RIMS2: variants seen among roughly 807,000 people sequenced by gnomAD.
RIMS2 encodes regulating synaptic membrane exocytosis protein 2.
Under a neutral mutation model 174.4 loss-of-function variants are expected in RIMS2, and 59 were observed. The observed-to-expected ratio is 0.34, with a 90% CI of 0.27 to 0.42. The LOEUF is 0.42. Among genes scored for constraint, RIMS2 ranks in the 10% least tolerant of loss-of-function variants. The probability of loss-of-function intolerance (pLI) is 1.00; values close to 1 mark genes in which losing one functional copy is unlikely to be tolerated. For synonymous variants in RIMS2, 606 were observed against 572.5 expected (o/e 1.06, Z -0.84); for missense variants, 1,620 against 1,666.3 (o/e 0.97, Z 0.48).
intron 19 of RIMS2, among the ~76,000 whole-genome samples, chr8:104,067,877 C>T (rs550907072): frequency 4.6e-5 from 7 of 152,166 alleles, no homozygotes; most frequent in Admixed American, 4.6e-4. Context: ...TTTCTTAACT[C>T]TATATTCTAA....
At chr8:103,521,790 G>T (rs1251760309) in intron 1 of RIMS2, among the ~76,000 whole-genome samples, 1 of 151,474 alleles carries the variant, frequency 6.6e-6, no homozygotes, top group Non-Finnish European at 1.5e-5. Context: ...GGATAAAGAT[G>T]ATGAGGTTCC....
At chr8:104,077,287 CT>C (rs1259253526) in intron 19 of RIMS2, among the ~76,000 whole-genome samples, 1 of 151,980 alleles carries the variant, frequency 6.6e-6, no homozygotes, top group Non-Finnish European at 1.5e-5. Context: ...GGAAGAAACA[CT>C]GTTTCCAACA....
At chr8:104,234,906 C>T (rs2099250670) in intron 19 of RIMS2, among the ~76,000 whole-genome samples, 1 of 152,132 alleles carries the variant, frequency 6.6e-6, no homozygotes, top group South Asian at 2.1e-4. Context: ...GTATTCAGTC[C>T]TATTGACAGC....
rs183380516 is a variant in RIMS2, at chr8:104,020,242, A to G, written c.3334+5627A>G. 7.2e-5 allele frequency among the ~76,000 whole-genome samples: 11 copies of G among 151,930 alleles called. No individual in the cohort carries two copies. The East Asian group carries it at 1.7e-3, about 24-fold the overall frequency. ...GTGCTTGGTTTTTATTTTGGTTATT[A>G]ATGATCTTAATCATTAATCACTATT... On this transcript the variant is annotated intron_variant, in intron 19 of 23. Coordinates refer to ENST00000504942, the Ensembl canonical transcript of RIMS2.
chr8:103,587,045 G>A (rs7835560), intron 1 of RIMS2, among the ~76,000 whole-genome samples: 7,313 of 151,884 alleles, frequency 0.048, 585 homozygotes, highest in African/African-American at 0.17. Flanking sequence ...CTGAATGAAT[G>A]AAAAAACAAG....
intron 3 of RIMS2, among the ~76,000 whole-genome samples, chr8:103,822,625 C>T (rs2098759110): frequency 6.6e-6 from 1 of 151,772 alleles, no homozygotes. Context: ...TTCTTGAGTA[C>T]CATTTTAGTG....
intron 1 of RIMS2, among the ~76,000 whole-genome samples, chr8:103,671,893 T>A (rs1032314462): frequency 6.6e-6 from 1 of 152,210 alleles, no homozygotes; most frequent in African/African-American, 2.4e-5. Flanking sequence ...TCCCATATGC[T>A]TTAACATACC....
rs567663165 is a variant in RIMS2 at position 104,245,462 on chromosome 8, T to C, written c.3476+405T>C. The stretch of plus-strand genomic sequence containing the variant: ...CTAAAAAATATGGAATGCTGGCGTA[T>C]ACTTAGTTCCATGTTGCAACAAACA... On this transcript the variant is annotated intron_variant, in intron 20 of 23. Coordinates refer to ENST00000504942, the Ensembl canonical transcript of RIMS2. 2.0e-5 allele frequency among the ~76,000 whole-genome samples: 3 copies of C among 152,352 alleles called. No homozygotes were observed. In the East Asian group the frequency reaches 5.8e-4, roughly 29 times the overall value.
intron 1 of RIMS2, among the ~76,000 whole-genome samples, chr8:103,677,813 C>CA (rs559052389): frequency 3.3e-5 from 5 of 149,874 alleles, no homozygotes; most frequent in Admixed American, 1.3e-4. Context: ...GATTCGTGGA[C>CA]AAAAAAAAAG....
At chr8:104,028,486 T>C (rs1346513354) in intron 19 of RIMS2, among the ~76,000 whole-genome samples, 1 of 152,194 alleles carries the variant, frequency 6.6e-6, no homozygotes, top group Non-Finnish European at 1.5e-5. Flanking sequence ...TTTAATTACA[T>C]GCCATTTTAA....
intron 3 of RIMS2, among the ~76,000 whole-genome samples, chr8:103,778,459 T>A (rs1472860947): frequency 6.6e-6 from 1 of 152,128 alleles, no homozygotes; most frequent in Admixed American, 6.6e-5. Context: ...TTTCTAGAGA[T>A]CTTCATGAGA....
intron 2 of RIMS2, among the ~76,000 whole-genome samples, chr8:103,735,952 C>T (rs1340973148): frequency 6.6e-6 from 1 of 152,094 alleles, no homozygotes; most frequent in Non-Finnish European, 1.5e-5. Context: ...GCTCTTCAGC[C>T]TATGTAGTAC....
chr8:104,104,588 G>A (rs1222995320), intron 19 of RIMS2, among the ~76,000 whole-genome samples: 5 of 152,128 alleles, frequency 3.3e-5, no homozygotes, highest in African/African-American at 7.2e-5. Flanking sequence ...AATAGGGTTC[G>A]GGGAGGTAAG....
intron 3 of RIMS2, among the ~76,000 whole-genome samples, chr8:103,832,913 T>C (rs2098834908): frequency 6.6e-6 from 1 of 152,220 alleles, no homozygotes; most frequent in East Asian, 1.9e-4. Flanking sequence ...TCAAGAGAAA[T>C]GAGTAGTCTT....
At chr8:103,765,059 A>C (rs2098154187) in intron 2 of RIMS2, among the ~76,000 whole-genome samples, 1 of 152,198 alleles carries the variant, frequency 6.6e-6, no homozygotes, top group Admixed American at 6.5e-5. Context: ...TCAGTTGAAA[A>C]TGCCATGTTG....
chr8:103,988,875 G>T (rs968648581), intron 16 of RIMS2, among the ~76,000 whole-genome samples: 7 of 152,158 alleles, frequency 4.6e-5, no homozygotes, highest in African/African-American at 1.4e-4. Flanking sequence ...CCGAACTCAT[G>T]TCCAACCACC....
rs146841249 is a variant in RIMS2, at chr8:103,514,374, G to C, written c.176+13312G>C. The stretch of plus-strand genomic sequence containing the variant: ...CTTAATGCTTCCTAACCTTTTTCAC[G>C]TGATTCCACATGTAGAAAACAATAA... On this transcript the variant is annotated intron_variant, in intron 1 of 23. Transcript: ENST00000504942. Among the ~76,000 whole-genome samples, 978 of 151,946 alleles carry C rather than the reference G, an allele frequency of 6.4e-3. 11 individuals carry two copies. Among genetic ancestry groups the C allele is most frequent in the African/African-American group, 0.022 (909 of 41,408 alleles).
At position 103,922,568 on chromosome 8, in the gene RIMS2, C is replaced by G. The variant is rs530164991; in HGVS notation, c.2196+784C>G. 8.4e-5 allele frequency: 28 copies of G among 333,058 alleles called. No individual in the cohort carries two copies. In the East Asian group the frequency reaches 1.9e-3, roughly 23 times the overall value. The allele number at this position is 333,058 out of a possible 1,614,324, so 20.6% of individuals were successfully genotyped here. Reference sequence around the variant, plus strand: ...ACCAGTATTGTTGTTGATTACTAAACTTGAAATTTCATGAGTATTAAAAAG... The same window carrying G: ...ACCAGTATTGTTGTTGATTACTAAAGTTGAAATTTCATGAGTATTAAAAAG... On this transcript the variant is annotated intron_variant, in intron 10 of 23. Transcript: ENST00000504942.
intron 19 of RIMS2, among the ~76,000 whole-genome samples, chr8:104,054,433 T>C (rs1459035499): frequency 2.0e-5 from 3 of 152,170 alleles, no homozygotes; most frequent in South Asian, 2.1e-4. Flanking sequence ...ATTTCCTTTT[T>C]TCATTAAAAA....
Sources: gnomAD v4.1 joint callset for allele counts (sites outside exome capture counted in the v4.1 genomes callset) on GRCh38, gnomAD v4.1.1 for gene constraint, MANE v1.5 for transcripts, NCBI Gene and HGNC (gene_info 2026-07-23, HGNC 2026-07-21) for gene names.